Variants in CAMTA1 observed in about 807,000 individuals in gnomAD.
The protein encoded by CAMTA1 is calmodulin-binding transcription activator 1.
Under a neutral mutation model 170.9 loss-of-function variants are expected in CAMTA1, and 27 were observed. That is an observed-to-expected ratio of 0.16 (90% CI 0.12 to 0.22). The LOEUF (loss-of-function observed/expected upper bound fraction) is 0.22, where lower values mean the gene tolerates loss of function less well. CAMTA1 is among the 10% of genes least tolerant of loss of function. CAMTA1 has a pLI of 1.00. For synonymous variants in CAMTA1, 833 were observed against 891.5 expected, an observed-to-expected ratio of 0.93 and a Z score of 1.17; for missense variants, 1,619 against 2,217.2, an observed-to-expected ratio of 0.73 and a Z score of 5.42.
chr1:7,352,688 C>T (rs1410013618), intron 5 of CAMTA1, among the ~76,000 whole-genome samples: 1 of 152,226 alleles, frequency 6.6e-6, no homozygotes, highest in Non-Finnish European at 1.5e-5. Flanking sequence ...CTGCATAAGC[C>T]TCTGTGAGTG....
intron 3 of CAMTA1, among the ~76,000 whole-genome samples, chr1:6,852,340 C>T (rs1410388771): frequency 6.6e-6 from 1 of 152,090 alleles, no homozygotes; most frequent in African/African-American, 2.4e-5. Flanking sequence ...ACCAATTCTC[C>T]AGTTCTCTGT....
chr1:6,944,392 TTC>T (rs1687227722), intron 3 of CAMTA1, among the ~76,000 whole-genome samples: 2 of 152,178 alleles, frequency 1.3e-5, no homozygotes, highest in Admixed American at 6.5e-5. Flanking sequence ...GGCCTTCCTG[TTC>T]TCTCAGTGGA....
chr1:7,198,852 C>CCTCT (rs1656076868), intron 4 of CAMTA1, among the ~76,000 whole-genome samples: 1 of 152,124 alleles, frequency 6.6e-6, no homozygotes, highest in Admixed American at 6.5e-5. Context: ...CTGGGGGAGC[C>CCTCT]CTCTGCAGGC....
Position 7,682,442 on chromosome 1 carries a change from G to A in CAMTA1, c.2914+4709G>A, listed in dbSNP as rs12092616. 0.014 allele frequency among the ~76,000 whole-genome samples: 2,201 copies of A among 152,320 alleles called. 53 individuals are homozygous for A. Among genetic ancestry groups the A allele is most frequent in the African/African-American group, 0.05 (2,065 of 41,576 alleles). On this transcript the variant is annotated intron_variant, in intron 11 of 22. Coordinates refer to ENST00000303635, the MANE Select transcript of CAMTA1 (RefSeq NM_015215.4). The surrounding 1 kb of genome is among the most constrained non-coding windows in gnomAD (Gnocchi z 5.0). ...GCCTCTTGGTTTGGCCTTCTGATCCGTCCACGCTCTCTGTGCTAACAGATG... is the reference window on the plus strand; with the variant it reads ...GCCTCTTGGTTTGGCCTTCTGATCCATCCACGCTCTCTGTGCTAACAGATG...
rs183464300 is a variant in CAMTA1, at chr1:7,130,613, C to G, written c.302+39242C>G. ...GAGTTCCCTTTGCTTCACATTCTTG[C>G]TAACCCTGGGGTGGTCAGTTTATTT... On this transcript the variant is annotated intron_variant, in intron 4 of 22. Transcript: ENST00000303635. Among the ~76,000 whole-genome samples the G allele has an allele frequency of 3.0e-3, 464 of 152,266 alleles. 4 individuals carry two copies. Among genetic ancestry groups the G allele is most frequent in the Non-Finnish European group, 3.4e-3 (231 of 68,020 alleles).
At chr1:7,454,229 C>T (rs2092899601) in intron 5 of CAMTA1, among the ~76,000 whole-genome samples, 1 of 152,326 alleles carries the variant, frequency 6.6e-6, no homozygotes, top group East Asian at 1.9e-4. Context: ...TCGCCTCACA[C>T]TTCCTGGGCG....
intron 3 of CAMTA1, among the ~76,000 whole-genome samples, chr1:6,842,859 G>A (rs1024335148): frequency 6.6e-6 from 1 of 152,052 alleles, no homozygotes; most frequent in African/African-American, 2.4e-5. Flanking sequence ...GGGAGGTGGA[G>A]GTTGCAGTGA....
chr1:7,172,894 C>T (rs950655448), intron 4 of CAMTA1, among the ~76,000 whole-genome samples: 2 of 152,212 alleles, frequency 1.3e-5, no homozygotes, highest in Non-Finnish European at 2.9e-5. Flanking sequence ...GTCTGCTATC[C>T]CCAAGGTTTG....
intron 5 of CAMTA1, among the ~76,000 whole-genome samples, chr1:7,432,952 G>T (rs78258356): frequency 1.3e-5 from 2 of 152,218 alleles, no homozygotes; most frequent in Non-Finnish European, 2.9e-5. Flanking sequence ...GTTCTGCACC[G>T]GGGCCAGCCC....
chr1:7,368,809 C>T (rs955358424), intron 5 of CAMTA1: 2 of 152,280 alleles, frequency 1.3e-5, no homozygotes, highest in African/African-American at 2.4e-5. Flanking sequence ...ATGAGCCTGA[C>T]GTGAGATGAG....
chr1:7,399,203 AG>A (rs2149191518), intron 5 of CAMTA1, among the ~76,000 whole-genome samples: 1 of 152,220 alleles, frequency 6.6e-6, no homozygotes, highest in South Asian at 2.1e-4. Context: ...TTGCTCTGTT[AG>A]TTTCTGTGAG....
intron 4 of CAMTA1, among the ~76,000 whole-genome samples, chr1:7,094,054 G>A (rs1445122893): frequency 1.3e-5 from 2 of 152,172 alleles, no homozygotes; most frequent in East Asian, 1.9e-4. Context: ...CTTTGACTTC[G>A]ACAGGCGTCT....
intron 5 of CAMTA1, among the ~76,000 whole-genome samples, chr1:7,320,712 A>C (rs1287538253): frequency 1.5e-5 from 2 of 137,550 alleles, no homozygotes; most frequent in African/African-American, 5.6e-5. Context: ...ATAATTTCAG[A>C]GACTTTTGCT....
At chr1:7,636,391 T>C (rs1489312700) in intron 6 of CAMTA1, among the ~76,000 whole-genome samples, 1 of 152,208 alleles carries the variant, frequency 6.6e-6, no homozygotes, top group Admixed American at 6.5e-5. Context: ...CCTTGCATTG[T>C]ATCTTACCTT....
chr1:7,601,725 G>A (rs1353889133), intron 6 of CAMTA1, among the ~76,000 whole-genome samples: 16 of 152,372 alleles, frequency 1.1e-4, no homozygotes, highest in East Asian at 3.9e-4. Context: ...GATCCCTCGC[G>A]GTTAGGAGCT....
At chr1:6,900,739 C>T (rs566376125) in intron 3 of CAMTA1, among the ~76,000 whole-genome samples, 10 of 152,102 alleles carry the variant, frequency 6.6e-5, no homozygotes, top group African/African-American at 9.7e-5. Flanking sequence ...TGTGTAAGAC[C>T]TCTATGCTGA....
intron 4 of CAMTA1, among the ~76,000 whole-genome samples, chr1:7,191,433 G>A (rs576815658): frequency 3.9e-4 from 59 of 152,270 alleles, no homozygotes; most frequent in Non-Finnish European, 6.8e-4. Flanking sequence ...ATAGTGTTGC[G>A]TTTTCAAGAA....
intron 3 of CAMTA1, among the ~76,000 whole-genome samples, chr1:7,062,374 T>A (rs1708345625): frequency 6.6e-6 from 1 of 152,148 alleles, no homozygotes; most frequent in Non-Finnish European, 1.5e-5. Flanking sequence ...ATGTAAAAGT[T>A]TTTAGTGTAA....
intron 22 of CAMTA1, among the ~76,000 whole-genome samples, chr1:7,765,569 A>T (rs1346308883): frequency 6.6e-6 from 1 of 152,174 alleles, no homozygotes; most frequent in East Asian, 1.9e-4. Context: ...ATGTCTTTTT[A>T]AGTTATAATG....
Sources: gnomAD v4.1 joint callset for allele counts (sites outside exome capture counted in the v4.1 genomes callset) on GRCh38, gnomAD v4.1.1 for gene constraint, Gnocchi (gnomAD v3.1) non-coding constraint, MANE v1.5 for transcripts, NCBI Gene and HGNC (gene_info 2026-07-23, HGNC 2026-07-21) for gene names.